ADGRA3: variants seen among roughly 807,000 people sequenced by gnomAD.
ADGRA3 encodes G-protein coupled receptor 125.
Under a neutral mutation model 119.8 loss-of-function variants are expected in ADGRA3, and 56 were observed. The ratio of observed to expected loss-of-function variants is 0.47; its 90% CI spans 0.38 to 0.58. ADGRA3 has a LOEUF of 0.58. Among genes scored for constraint, ADGRA3 ranks in the 20% least tolerant of loss-of-function variants. The pLI is 0.00. For missense variants in ADGRA3, 1,516 were observed against 1,649.0 expected (o/e 0.92, Z 1.40); for synonymous variants, 607 against 623.8 (o/e 0.97, Z 0.40).
At chr4:22,506,832 T>A (rs550446207) in intron 1 of ADGRA3, among the ~76,000 whole-genome samples, 2 of 152,210 alleles carry the variant, frequency 1.3e-5, no homozygotes, top group East Asian at 3.9e-4. Flanking sequence ...TGAACATAAA[T>A]GTAAGCTAAA....
intron 10 of ADGRA3, among the ~76,000 whole-genome samples, chr4:22,425,004 G>A (rs1715872928): frequency 1.3e-5 from 2 of 151,816 alleles, no homozygotes; most frequent in Admixed American, 6.6e-5. Flanking sequence ...GAAGCTGGGA[G>A]GCAGACACTG....
intron 10 of ADGRA3, among the ~76,000 whole-genome samples, chr4:22,428,208 T>A (rs1439532416): frequency 6.6e-6 from 1 of 152,144 alleles, no homozygotes; most frequent in Non-Finnish European, 1.5e-5. Flanking sequence ...AGTTAAATAC[T>A]CCTAGGTTGA....
intron 1 of ADGRA3, among the ~76,000 whole-genome samples, chr4:22,492,119 G>A (rs1384661737): frequency 6.6e-6 from 1 of 152,114 alleles, no homozygotes; most frequent in Admixed American, 6.5e-5. Flanking sequence ...CAGCACCACA[G>A]TAGCACTGGA....
chr4:22,414,574 C>G (rs1181178045), intron 12 of ADGRA3: 1 of 696,532 alleles, frequency 1.4e-6, no homozygotes, highest in South Asian at 1.5e-5. Context: ...TCTAACCTCT[C>G]TTCTTCTAAT....
At position 22,439,669 on chromosome 4, in the gene ADGRA3, A is replaced by G. The variant is rs1334777501; in HGVS notation, c.921-1249T>C. On this transcript the variant is annotated intron_variant, in intron 7 of 18. Transcript: ENST00000334304. ...TAGAAAAATAAACATACTGTAATTA[A>G]TATTTTTAAAATAGAGTGACACAAA... 3.3e-5 allele frequency among the ~76,000 whole-genome samples: 5 copies of G among 152,202 alleles called. 1 individual carries two copies. Among genetic ancestry groups the G allele is most frequent in the Admixed American group, 3.3e-4 (5 of 15,280 alleles).
chr4:22,404,303 C>T (rs368426830), intron 14 of ADGRA3, among the ~76,000 whole-genome samples: 2 of 151,994 alleles, frequency 1.3e-5, no homozygotes, highest in African/African-American at 4.8e-5. Flanking sequence ...TGGAAGATGA[C>T]CTCAATAGAG....
chr4:22,506,870 GT>G (rs1719257483), intron 1 of ADGRA3, among the ~76,000 whole-genome samples: 1 of 152,070 alleles, frequency 6.6e-6, no homozygotes. Context: ...AAATTATATT[GT>G]TTTACATTAA....
rs2109035373 is a variant in ADGRA3, at chr4:22,421,068, C to A, written c.1627G>T (p.Glu543Ter). 1 of 1,613,796 alleles carries A rather than the reference C, an allele frequency of 6.2e-7. No individual in the cohort carries two copies. The highest frequency in any genetic ancestry group is 8.5e-7 in the Non-Finnish European group (1 of 1,179,832). Residue 543 changes from glutamate (E) to a stop codon, truncating the protein, a stop_gained, in exon 12 of 19, where the codon GAA becomes TAA. Transcript: ENST00000334304. LOFTEE classifies it high-confidence loss of function. ...CCAGTAGACTTGATGACATAAGCTTCCAGAGCAATATTGGGTGAATACTTG... is the reference window on the plus strand; with the variant it reads ...CCAGTAGACTTGATGACATAAGCTTACAGAGCAATATTGGGTGAATACTTG... ...YSTYSPNIAL[E>*]AYVIKSTGFT...
chr4:22,438,112 G>T, intron 8 of ADGRA3, 144 bp downstream of exon 8: 1 of 580,654 alleles, frequency 1.7e-6, no homozygotes, highest in Non-Finnish European at 3.1e-6. Flanking sequence ...ATGTGATTCT[G>T]AAATCATTAT....
At chr4:22,431,287 T>TTA (rs1198647578) in intron 10 of ADGRA3, among the ~76,000 whole-genome samples, 2 of 23,800 alleles carry the variant, frequency 8.4e-5, no homozygotes, top group Non-Finnish European at 2.7e-4. Context: ...GTACTAATTC[T>TTA]TATATATATA....
At chr4:22,445,313 C>G (rs1365217681) in intron 5 of ADGRA3, among the ~76,000 whole-genome samples, 180 bp from the exon 6 acceptor site, 1 of 152,130 alleles carries the variant, frequency 6.6e-6, no homozygotes, top group African/African-American at 2.4e-5. Flanking sequence ...GAGTGTTGGA[C>G]CCCAACACTG....
intron 2 of ADGRA3, among the ~76,000 whole-genome samples, chr4:22,466,868 C>A (rs1717677665): frequency 6.6e-6 from 1 of 152,172 alleles, no homozygotes; most frequent in Admixed American, 6.5e-5. Flanking sequence ...GAGGGGGTGA[C>A]ACACAATATA....
intron 3 of ADGRA3, among the ~76,000 whole-genome samples, chr4:22,460,661 A>C (rs1192149658): frequency 6.6e-6 from 1 of 152,352 alleles, no homozygotes; most frequent in East Asian, 1.9e-4. Flanking sequence ...CCAGAGTTCT[A>C]AGCCACCTCT....
intron 1 of ADGRA3, among the ~76,000 whole-genome samples, chr4:22,475,713 C>G (rs1718017668): frequency 6.7e-6 from 1 of 148,824 alleles, no homozygotes. Context: ...GGCAACAGAG[C>G]GAGACTCCGT....
chr4:22,389,499 T>C (rs1299799294), intron 17 of ADGRA3, among the ~76,000 whole-genome samples: 1 of 150,058 alleles, frequency 6.7e-6, no homozygotes, highest in Non-Finnish European at 1.5e-5. Context: ...TACTTACTCT[T>C]ACTTTTTTTT....
At chr4:22,458,152 C>G (rs1014610926) in intron 3 of ADGRA3, among the ~76,000 whole-genome samples, 1 of 152,120 alleles carries the variant, frequency 6.6e-6, no homozygotes, top group African/African-American at 2.4e-5. Flanking sequence ...AGCATCAGCC[C>G]GAGTTTCTGA....
intron 1 of ADGRA3, among the ~76,000 whole-genome samples, chr4:22,486,082 T>A (rs1343733885): frequency 6.6e-6 from 1 of 152,188 alleles, no homozygotes; most frequent in Non-Finnish European, 1.5e-5. Flanking sequence ...TGCTGTGGAG[T>A]TTCGCCATCA....
intron 16 of ADGRA3, among the ~76,000 whole-genome samples, chr4:22,396,526 A>G (rs969445934): frequency 2.6e-5 from 4 of 152,200 alleles, no homozygotes; most frequent in African/African-American, 9.6e-5. Context: ...GACTATTCAC[A>G]TAAGCTGTTC....
chr4:22,450,286 C>A (rs1171242063), intron 4 of ADGRA3, among the ~76,000 whole-genome samples: 1 of 146,974 alleles, frequency 6.8e-6, no homozygotes, highest in Admixed American at 6.8e-5. Context: ...TTTTTTGAGA[C>A]AAGTCTCACT....
Sources: allele counts gnomAD v4.1 joint callset (sites outside exome capture counted in the v4.1 genomes callset), GRCh38; gene constraint gnomAD v4.1.1; transcripts MANE v1.5; gene names NCBI Gene and HGNC (gene_info 2026-07-23, HGNC 2026-07-21).